Variants in ARAP2 observed in about 807,000 individuals in gnomAD.
ARAP2 encodes ArfGAP with RhoGAP domain, ankyrin repeat and PH domain 2.
A neutral mutation model predicts 194.5 loss-of-function variants in ARAP2; 148 were observed. That is an observed-to-expected ratio of 0.76 (90% CI 0.67 to 0.87). The LOEUF (loss-of-function observed/expected upper bound fraction) is 0.87. Ranked by LOEUF, ARAP2 falls within the 40% of genes least tolerant of loss-of-function variation. The pLI is 0.00. For missense variants in ARAP2, 2,128 were observed against 1,989.7 expected (o/e 1.07, Z -1.32); for synonymous variants, 695 against 683.5 (o/e 1.02, Z -0.26).
At chr4:36,143,835 G>T (rs1283032529) in intron 19 of ARAP2, among the ~76,000 whole-genome samples, 1 of 151,780 alleles carries the variant, frequency 6.6e-6, no homozygotes, top group Non-Finnish European at 1.5e-5. Context: ...AGTAACACAT[G>T]TAGACGAAAA....
chr4:36,212,589 T>C, intron 4 of ARAP2, 102 bp from the exon 5 acceptor site: 1 of 687,204 alleles, frequency 1.5e-6, no homozygotes. Flanking sequence ...CCATAATATC[T>C]GAGTTTAGTT....
At chr4:36,144,458 C>T (rs977775292) in intron 19 of ARAP2, among the ~76,000 whole-genome samples, 1 of 151,766 alleles carries the variant, frequency 6.6e-6, no homozygotes, top group African/African-American at 2.4e-5. Context: ...TAACAATACT[C>T]TCACGGTATA....
intron 2 of ARAP2, among the ~76,000 whole-genome samples, chr4:36,225,800 C>T (rs1013346339): frequency 6.6e-6 from 1 of 152,024 alleles, no homozygotes; most frequent in Non-Finnish European, 1.5e-5. Context: ...TTAGTAATTC[C>T]TTTAAAAACA....
intron 28 of ARAP2, among the ~76,000 whole-genome samples, chr4:36,085,243 G>A (rs985992678): frequency 4.6e-5 from 7 of 151,924 alleles, no homozygotes; most frequent in African/African-American, 1.5e-4. Context: ...TCTTTTGGGG[G>A]TTGGTTTCTT....
At chr4:36,173,169 TA>T (rs796749780) in intron 9 of ARAP2, among the ~76,000 whole-genome samples, 2 of 151,794 alleles carry the variant, frequency 1.3e-5, no homozygotes, top group African/African-American at 2.4e-5. Context: ...AACATGATAT[TA>T]AAAAAAAGTA....
chr4:36,207,780 T>TA lies in ARAP2; in HGVS notation c.1487+2609dup, dbSNP rs879526263. ...ATGTCTTTAAGGGGGAAACAATTGT[T>TA]AAAAAAAAAACCCAAGAGTTCACTA... On this transcript the variant is annotated intron_variant, in intron 6 of 32. Transcript: ENST00000303965. Among the ~76,000 whole-genome samples, 287 of 149,244 alleles carry TA rather than the reference T, an allele frequency of 1.9e-3. 1 individual carries two copies. The highest frequency in any genetic ancestry group is 5.8e-3 in the East Asian group (30 of 5,132).
At chr4:36,082,121 A>G in intron 30 of ARAP2, 130 bp downstream of exon 30, 1 of 822,680 alleles carries the variant, frequency 1.2e-6, no homozygotes, top group South Asian at 1.8e-5. Flanking sequence ...CAAAGTCTTT[A>G]CAAACAACCC....
At chr4:36,218,880 T>A (rs747289826) in intron 2 of ARAP2, among the ~76,000 whole-genome samples, 1 of 152,020 alleles carries the variant, frequency 6.6e-6, no homozygotes, top group East Asian at 1.9e-4. Flanking sequence ...CACAAAAAAA[T>A]GCAATTTAAA....
intron 5 of ARAP2, among the ~76,000 whole-genome samples, chr4:36,029,656 A>G (rs914834454): frequency 6.6e-6 from 1 of 151,352 alleles, no homozygotes; most frequent in Non-Finnish European, 1.5e-5. Flanking sequence ...TATTTTATAT[A>G]TTCTTTTCCC....
chr4:36,174,583 T>C (rs1015838585), intron 9 of ARAP2, among the ~76,000 whole-genome samples: 4 of 152,196 alleles, frequency 2.6e-5, no homozygotes, highest in Admixed American at 2.0e-4. Context: ...TTTTGGCTCA[T>C]CCATCACAGA....
chr4:36,007,301 A>T (rs1713491860), intron 9 of ARAP2, among the ~76,000 whole-genome samples: 1 of 152,198 alleles, frequency 6.6e-6, no homozygotes, highest in East Asian at 1.9e-4. Context: ...ATACTAAATT[A>T]TCCAGGTGGG....
At chr4:36,201,656 C>T (rs1744388546) in intron 6 of ARAP2, among the ~76,000 whole-genome samples, 1 of 152,192 alleles carries the variant, frequency 6.6e-6, no homozygotes, top group Admixed American at 6.5e-5. Flanking sequence ...CATCTGGTAT[C>T]AGTTTTTGTT....
intron 2 of ARAP2, 41 bp downstream of exon 2, chr4:36,228,541 C>G: frequency 6.7e-7 from 1 of 1,499,542 alleles, no homozygotes; most frequent in South Asian, 1.4e-5. Flanking sequence ...CACTGAATTT[C>G]CTCAAATTGA....
intron 9 of ARAP2, among the ~76,000 whole-genome samples, chr4:36,172,783 T>G (rs1447510463): frequency 1.3e-5 from 2 of 152,198 alleles, no homozygotes; most frequent in Non-Finnish European, 2.9e-5. Flanking sequence ...CTTAAACATT[T>G]GTTGAAAACA....
chr4:36,135,622 T>C (rs1019563870), intron 19 of ARAP2, among the ~76,000 whole-genome samples: 1 of 151,856 alleles, frequency 6.6e-6, no homozygotes, highest in African/African-American at 2.4e-5. Flanking sequence ...ATATCATCTT[T>C]AGCTCAAAAG....
intron 24 of ARAP2, among the ~76,000 whole-genome samples, chr4:36,118,204 G>C (rs990990030): frequency 6.7e-6 from 1 of 149,632 alleles, no homozygotes; most frequent in Non-Finnish European, 1.5e-5. Context: ...ATTTCAGTAA[G>C]TAAAAGATAC....
chr4:36,139,306 G>C (rs1195470041), intron 19 of ARAP2, among the ~76,000 whole-genome samples: 2 of 151,420 alleles, frequency 1.3e-5, no homozygotes, highest in Admixed American at 1.3e-4. Context: ...TAAATTCATT[G>C]GTATGAAGTT....
At chr4:36,157,625 C>T (rs1393570350) in intron 15 of ARAP2, 1 of 152,190 alleles carries the variant, frequency 6.6e-6, no homozygotes, top group African/African-American at 2.4e-5. Context: ...TGAAAACTGA[C>T]ATCACATCAA....
In ARAP2 at chr4:36,147,164, GTATATT is replaced by G; in HGVS notation, c.3263+126_3263+131del. 3 of 680,840 alleles carry G rather than the reference GTATATT, an allele frequency of 4.4e-6. No individual in the cohort carries two copies. In the South Asian group the frequency reaches 5.9e-5, roughly 13 times the overall value. The allele number at this position is 680,840 out of a possible 1,614,324, so 42.2% of individuals were successfully genotyped here. On this transcript the variant is annotated intron_variant, in intron 19 of 32. Transcript: ENST00000303965. ...AAGAGAGCTAATATATACTATATAT[GTATATT>G]TATATGATTCAGAAAATTTCAACAG... is the stretch of plus-strand genomic sequence containing the variant.
Sources: gnomAD v4.1 joint callset for allele counts (sites outside exome capture counted in the v4.1 genomes callset) on GRCh38, gnomAD v4.1.1 for gene constraint, MANE v1.5 for transcripts, NCBI Gene and HGNC (gene_info 2026-07-23, HGNC 2026-07-21) for gene names.